Variants in MAP6 observed in about 807,000 individuals in gnomAD.
The protein encoded by MAP6 is microtubule-associated protein 6.
MAP6 carries 26 observed loss-of-function variants against 42.4 expected under a neutral mutation model. The observed-to-expected ratio is 0.61, with a 90% CI of 0.45 to 0.85. The LOEUF is 0.85. MAP6 is among the 40% of genes least tolerant of loss of function. The pLI is 0.00. For missense variants in MAP6, 966 were observed against 1,099.0 expected (o/e 0.88, Z 1.71); for synonymous variants, 418 against 443.8 (o/e 0.94, Z 0.73).
At position 75,587,658 on chromosome 11, in the gene MAP6, T is replaced by C; in HGVS notation, c.1843A>G (p.Lys615Glu). The change falls in exon 4 of 4, where the codon AAG becomes GAG. Residue 615 changes from lysine to glutamate, a missense_variant. Physicochemically the swap from Lys to Glu is moderately conservative, Grantham distance 56. Coordinates refer to ENST00000304771, the MANE Select transcript of MAP6 (RefSeq NM_033063.2). Reference sequence around the variant, plus strand: ...GCTGGGACTATGGGACCTTCACCCTTGACAGGTGCTGGGACTATGGGACCT... The same window carrying C: ...GCTGGGACTATGGGACCTTCACCCTCGACAGGTGCTGGGACTATGGGACCT... ...DQGPIVPAPV[K>E]GEGPIVPAPV... 6.2e-7 allele frequency: 1 copy of C among 1,614,058 alleles called. No individual in the cohort carries two copies. The highest frequency in any genetic ancestry group is 8.5e-7 in the Non-Finnish European group (1 of 1,180,012).
chr11:75,593,359 C>T (rs1172260274), intron 3 of MAP6, among the ~76,000 whole-genome samples: 1 of 152,206 alleles, frequency 6.6e-6, no homozygotes, highest in Non-Finnish European at 1.5e-5. Context: ...TTGTCTTAGA[C>T]ACTTCATTTT....
chr11:75,652,710 G>A (rs570227441), intron 1 of MAP6, among the ~76,000 whole-genome samples: 22 of 151,894 alleles, frequency 1.4e-4, no homozygotes, highest in African/African-American at 4.6e-4. Flanking sequence ...ATGGTGGCAC[G>A]TGCCTGTAAT....
At chr11:75,602,993 G>T (rs1270974477) in intron 3 of MAP6, 1 of 985,600 alleles carries the variant, frequency 1.0e-6, no homozygotes, top group African/African-American at 1.7e-5. Context: ...TCTTACAGCA[G>T]GAATGAAATA....
chr11:75,667,563 C>G lies in MAP6; in HGVS notation c.807G>C (p.Gln269His), dbSNP rs2135707311. 1 of 1,475,414 alleles carries G rather than the reference C, an allele frequency of 6.8e-7. No individual in the cohort carries two copies. Among genetic ancestry groups the G allele is most frequent in the East Asian group, 3.0e-5 (1 of 33,844 alleles). The allele number at this position is 1,475,414 out of a possible 1,614,324, so 91.4% of individuals were successfully genotyped here. Residue 269 changes from glutamine to histidine, a missense_variant, in exon 1 of 4, where the codon CAG (glutamine) becomes CAC (histidine). Transcript: ENST00000304771. The surrounding 1 kb of genome is among the most constrained non-coding windows in gnomAD (Gnocchi z 5.6). The stretch of plus-strand genomic sequence containing the variant: ...CCCTGCCAGCCTCGGGGCCGGTGGC[C>G]TGGACCTGGGCCTGGGCCGCGGGCA... ...TPLPAAQAQVQATGPEAGRGR... is the reference protein window; with the variant it reads ...TPLPAAQAQVHATGPEAGRGR...
chr11:75,628,100 G>T (rs1943227419), intron 1 of MAP6, among the ~76,000 whole-genome samples: 1 of 152,214 alleles, frequency 6.6e-6, no homozygotes, highest in African/African-American at 2.4e-5. Flanking sequence ...CAGCTGGCTA[G>T]CTGGTCTTGG....
At chr11:75,643,244 A>AT (rs904950462) in intron 1 of MAP6, among the ~76,000 whole-genome samples, 2 of 150,598 alleles carry the variant, frequency 1.3e-5, no homozygotes, top group African/African-American at 2.4e-5. Context: ...AAATATATAA[A>AT]TTTTTTTTCT....
chr11:75,654,595 A>G (rs989187763), intron 1 of MAP6, among the ~76,000 whole-genome samples: 5 of 152,222 alleles, frequency 3.3e-5, no homozygotes, highest in African/African-American at 1.2e-4. Context: ...TCTCTACCCT[A>G]GCGTAGTGAT....
chr11:75,612,686 T>C (rs1942921476), intron 1 of MAP6, among the ~76,000 whole-genome samples: 1 of 152,198 alleles, frequency 6.6e-6, no homozygotes, highest in Non-Finnish European at 1.5e-5. Flanking sequence ...TGGAAGCATG[T>C]GCTGTGCCTG....
Position 75,608,247 on chromosome 11 carries a change from A to G in MAP6, c.981T>C (p.Asp327=), listed in dbSNP as rs1178027725. 6.2e-7 allele frequency: 1 copy of G among 1,614,052 alleles called. No individual in the cohort carries two copies. Among genetic ancestry groups the G allele is most frequent in the Non-Finnish European group, 8.5e-7 (1 of 1,180,030 alleles). The change falls in exon 2 of 4, where the codon GAT becomes GAC. Residue 327 remains aspartate (D), a synonymous_variant. Coordinates refer to ENST00000304771, the MANE Select transcript of MAP6 (RefSeq NM_033063.2). The part of the protein sequence containing the change: ...IKAKPQYKPP[D]DKMVHETSYS... ...AGCTGGTCTCATGAACCATCTTATC[A>G]TCTGGGGGCTTGTACTGGGGCTTGG... is the stretch of plus-strand genomic sequence containing the variant.
chr11:75,618,232 G>A (rs1033906796), intron 1 of MAP6, among the ~76,000 whole-genome samples: 6 of 151,734 alleles, frequency 4.0e-5, no homozygotes, highest in African/African-American at 1.2e-4. Context: ...ATTTTATAAG[G>A]GAATACTGGG....
chr11:75,615,067 G>C lies in MAP6; in HGVS notation c.906-6745C>G, dbSNP rs983716436. Among the ~76,000 whole-genome samples the C allele has an allele frequency of 3.9e-5, 6 of 152,180 alleles. No homozygotes were observed. In the East Asian group the frequency reaches 9.6e-4, roughly 24 times the overall value. ...TCATAAGCAGAAAAAAGAAACACAG[G>C]CCATCACAGAAGAAAATGATGTCTC... On this transcript the variant is annotated intron_variant, in intron 1 of 3. Transcript: ENST00000304771.
chr11:75,661,314 A>G (rs563205725), intron 1 of MAP6, among the ~76,000 whole-genome samples: 9 of 152,184 alleles, frequency 5.9e-5, no homozygotes, highest in African/African-American at 2.2e-4. Context: ...TTTTCAAATA[A>G]CTAAAAAGGA....
chr11:75,627,911 G>T (rs1404201634), intron 1 of MAP6, among the ~76,000 whole-genome samples: 6 of 152,190 alleles, frequency 3.9e-5, no homozygotes, highest in Non-Finnish European at 8.8e-5. Context: ...CACAATGCAG[G>T]ATCCTCAAAG....
chr11:75,653,537 A>G (rs980472220), intron 1 of MAP6, among the ~76,000 whole-genome samples: 1 of 152,260 alleles, frequency 6.6e-6, no homozygotes, highest in African/African-American at 2.4e-5. Flanking sequence ...AAGCACAGAA[A>G]CATTTCTGAA....
intron 3 of MAP6, among the ~76,000 whole-genome samples, chr11:75,602,596 G>A (rs1226235863): frequency 1.3e-5 from 2 of 152,188 alleles, no homozygotes; most frequent in Admixed American, 6.5e-5. Flanking sequence ...GCAGGCGGTC[G>A]CTCTTCCCGG....
chr11:75,604,103 A>C (rs1339940790), intron 3 of MAP6: 1 of 985,724 alleles, frequency 1.0e-6, no homozygotes. Flanking sequence ...ACCTTCCTTC[A>C]TACTTCTCCT....
At chr11:75,664,121 C>T (rs1845699421) in intron 1 of MAP6, among the ~76,000 whole-genome samples, 1 of 152,182 alleles carries the variant, frequency 6.6e-6, no homozygotes, top group Admixed American at 6.5e-5. Flanking sequence ...TCACAAATGG[C>T]TTCCCAGTGA....
intron 1 of MAP6, among the ~76,000 whole-genome samples, chr11:75,665,431 G>T (rs936417713): frequency 3.3e-5 from 5 of 152,242 alleles, no homozygotes; most frequent in African/African-American, 4.8e-5. Context: ...GGAGGCTTAA[G>T]AATCTGGAAT....
intron 1 of MAP6, among the ~76,000 whole-genome samples, chr11:75,610,950 C>G (rs186650842): frequency 6.6e-6 from 1 of 152,266 alleles, no homozygotes; most frequent in South Asian, 2.1e-4. Flanking sequence ...CCCACACACC[C>G]CAGCAACAAG....
Sources: allele counts gnomAD v4.1 joint callset (sites outside exome capture counted in the v4.1 genomes callset), GRCh38; gene constraint gnomAD v4.1.1; non-coding constraint Gnocchi (gnomAD v3.1); transcripts MANE v1.5; gene names NCBI Gene and HGNC (gene_info 2026-07-23, HGNC 2026-07-21).